Variants in RAB7A observed in about 807,000 individuals in gnomAD.
The protein encoded by RAB7A is ras-related protein Rab-7a.
In RAB7A, 2 loss-of-function variants were observed where a neutral mutation model predicts 24.5. That is an observed-to-expected ratio of 0.08 (90% CI 0.03 to 0.26). The LOEUF (loss-of-function observed/expected upper bound fraction) is 0.26. Ranked by LOEUF, RAB7A falls within the 10% of genes least tolerant of loss-of-function variation. The pLI, the probability that RAB7A is intolerant of heterozygous loss-of-function variation, is 1.00. For synonymous variants in RAB7A, 100 were observed against 95.9 expected, an observed-to-expected ratio of 1.04 and a Z score of -0.25; for missense variants, 118 against 255.7, an observed-to-expected ratio of 0.46 and a Z score of 3.67.
chr3:128,764,263 T>C (rs2070805085), intron 1 of RAB7A, among the ~76,000 whole-genome samples: 1 of 152,250 alleles, frequency 6.6e-6, no homozygotes, highest in African/African-American at 2.4e-5. Context: ...ATTTCTGTCC[T>C]GTAATAGCTT....
rs1047405783 is a variant in RAB7A at position 128,813,575 on chromosome 3, C to G, written c.*153C>G. ...AACCCCATCAAACACAGTTACACCC[C>G]ACATATCTCTCACACACACACACAC... On this transcript the variant is annotated 3_prime_UTR_variant, in exon 6 of 6. Coordinates refer to ENST00000265062, the MANE Select transcript of RAB7A (RefSeq NM_004637.6). 1.9e-5 allele frequency: 13 copies of G among 701,902 alleles called. 1 individual carries two copies. Among genetic ancestry groups the G allele is most frequent in the Admixed American group, 1.8e-4 (9 of 49,202 alleles). The allele number at this position is 701,902 out of a possible 1,614,324, so 43.5% of individuals were successfully genotyped here. A position where few individuals can be genotyped will look rare whatever the true frequency, so the allele number is the denominator to read the frequency against.
chr3:128,762,232 A>G (rs1033269519), intron 1 of RAB7A, among the ~76,000 whole-genome samples: 5 of 152,188 alleles, frequency 3.3e-5, no homozygotes, highest in Non-Finnish European at 7.3e-5. Flanking sequence ...TAGGCTACAG[A>G]TAGACTTTCC....
At chr3:128,736,665 G>T (rs1018662051) in intron 1 of RAB7A, among the ~76,000 whole-genome samples, 1 of 151,976 alleles carries the variant, frequency 6.6e-6, no homozygotes, top group Admixed American at 6.6e-5. Context: ...GTTAAATAAA[G>T]TTATTTAACA....
At chr3:128,728,681 C>CG (rs1275748706) in intron 1 of RAB7A, among the ~76,000 whole-genome samples, 1 of 152,142 alleles carries the variant, frequency 6.6e-6, no homozygotes, top group African/African-American at 2.4e-5. Flanking sequence ...AGGCTGGTCT[C>CG]GAACTGCCTA....
At chr3:128,741,207 T>G (rs2107586216) in intron 1 of RAB7A, among the ~76,000 whole-genome samples, 1 of 152,270 alleles carries the variant, frequency 6.6e-6, no homozygotes, top group African/African-American at 2.4e-5. Flanking sequence ...GCAAGAATTT[T>G]GATCCTTTTC....
At chr3:128,798,820 T>TA (rs150137763) in intron 3 of RAB7A, 4,147 of 167,544 alleles carry the variant, frequency 0.025, 104 homozygotes, top group African/African-American at 0.076. Flanking sequence ...GTCTCTAAAT[T>TA]TAAAAAAAAA....
chr3:128,781,603 G>A (rs1933223180), intron 1 of RAB7A, among the ~76,000 whole-genome samples: 3 of 152,262 alleles, frequency 2.0e-5, no homozygotes, highest in South Asian at 2.1e-4. Flanking sequence ...CTTGAGCCCC[G>A]GCGGTCGAGG....
At chr3:128,741,405 G>C (rs1469036676) in intron 1 of RAB7A, among the ~76,000 whole-genome samples, 2 of 152,114 alleles carry the variant, frequency 1.3e-5, no homozygotes, top group Admixed American at 6.6e-5. Context: ...CTAGCACTTA[G>C]CCAGGTATAA....
intron 1 of RAB7A, among the ~76,000 whole-genome samples, chr3:128,776,088 TC>T (rs1933080986): frequency 6.6e-6 from 1 of 152,172 alleles, no homozygotes; most frequent in South Asian, 2.1e-4. Flanking sequence ...ACTCTCTGTT[TC>T]TATGAGTTTG....
At chr3:128,739,112 A>G (rs1403599125) in intron 1 of RAB7A, among the ~76,000 whole-genome samples, 1 of 152,226 alleles carries the variant, frequency 6.6e-6, no homozygotes, top group Admixed American at 6.5e-5. Flanking sequence ...CATTGAGTAT[A>G]TGGAGCTTTG....
chr3:128,747,755 ATTTTGTTTTG>A lies in RAB7A; in HGVS notation c.-9+21416_-9+21425del, dbSNP rs547119818. 9.7e-3 allele frequency among the ~76,000 whole-genome samples: 1,461 copies of A among 150,970 alleles called. 65 individuals carry two copies. The highest frequency in any genetic ancestry group is 0.031 in the African/African-American group (1,261 of 40,672). ...TGCAGGAAGCAAAGGATTCTTTTTC[ATTTTGTTTTG>A]TTTTGTTTTGTTTTGTTTTTTGAGA... On this transcript the variant is annotated intron_variant, in intron 1 of 5. Transcript: ENST00000265062.
chr3:128,739,416 G>A (rs1236146116), intron 1 of RAB7A, among the ~76,000 whole-genome samples: 2 of 151,952 alleles, frequency 1.3e-5, no homozygotes, highest in Non-Finnish European at 2.9e-5. Flanking sequence ...AGGAGGGTAA[G>A]GCAGGAGAAT....
intron 1 of RAB7A, among the ~76,000 whole-genome samples, chr3:128,767,916 A>G (rs2070847417): frequency 6.6e-6 from 1 of 152,202 alleles, no homozygotes; most frequent in Non-Finnish European, 1.5e-5. Flanking sequence ...ATTGCCATAC[A>G]TGTTGAAACT....
At chr3:128,775,144 C>T (rs1230216945) in intron 1 of RAB7A, among the ~76,000 whole-genome samples, 6 of 152,132 alleles carry the variant, frequency 3.9e-5, no homozygotes, top group Non-Finnish European at 8.8e-5. Context: ...GCAGGGAGAG[C>T]CCTGGTTGGG....
At chr3:128,794,607 A>ATT (rs146778480) in intron 1 of RAB7A, among the ~76,000 whole-genome samples, 4 of 152,044 alleles carry the variant, frequency 2.6e-5, no homozygotes, top group African/African-American at 9.7e-5. Flanking sequence ...ATGAGAGGCA[A>ATT]TTACAGCAGG....
chr3:128,776,956 ACACACAC>A (rs2107603487), intron 1 of RAB7A, among the ~76,000 whole-genome samples: 1 of 140,098 alleles, frequency 7.1e-6, no homozygotes, highest in South Asian at 2.1e-4. Flanking sequence ...ACACACACAC[ACACACAC>A]ACACACACAC....
chr3:128,812,481 A>G (rs1192551662), intron 5 of RAB7A, among the ~76,000 whole-genome samples: 1 of 152,210 alleles, frequency 6.6e-6, no homozygotes, highest in East Asian at 1.9e-4. Flanking sequence ...TGTGAATGGA[A>G]TGATTTTTTT....
intron 1 of RAB7A, among the ~76,000 whole-genome samples, chr3:128,766,327 A>G (rs888900425): frequency 6.6e-6 from 1 of 151,320 alleles, no homozygotes; most frequent in African/African-American, 2.4e-5. Flanking sequence ...AAACAGTGAA[A>G]CCAAGTAAAT....
chr3:128,807,726 G>C, intron 5 of RAB7A, 55 bp downstream of exon 5: 1 of 1,612,374 alleles, frequency 6.2e-7, no homozygotes, highest in Non-Finnish European at 8.5e-7. Context: ...CACTGACCCA[G>C]TCCCTGCCTG....
Sources: allele counts gnomAD v4.1 joint callset (sites outside exome capture counted in the v4.1 genomes callset), GRCh38; gene constraint gnomAD v4.1.1; transcripts MANE v1.5; gene names NCBI Gene and HGNC (gene_info 2026-07-23, HGNC 2026-07-21).